Variants in MIS12 observed in about 807,000 individuals in gnomAD.
The protein encoded by MIS12 is protein MIS12 homolog.
Under a neutral mutation model 16.5 loss-of-function variants are expected in MIS12, and 13 were observed. The observed-to-expected ratio is 0.79, with a 90% CI of 0.51 to 1.25. The LOEUF is 1.25. Among genes scored for constraint, MIS12 ranks in the 50% most tolerant of loss-of-function variants. The probability of loss-of-function intolerance (pLI) is 0.00; values close to 1 mark genes in which losing one functional copy is unlikely to be tolerated. For missense variants in MIS12, 199 were observed against 239.5 expected (o/e 0.83, Z 1.12); for synonymous variants, 97 against 87.3 (o/e 1.11, Z -0.62).
upstream of MIS12, chr17:5,486,517 T>G: frequency 5.4e-6 from 1 of 184,150 alleles, no homozygotes; most frequent in Non-Finnish European, 1.1e-5. Context: ...AACCAGCCAA[T>G]CAGGAACGCG....
chr17:5,488,651 A>T, intron 2 of MIS12, 62 bp downstream of exon 2: 1 of 396,624 alleles, frequency 2.5e-6, no homozygotes. Context: ...AAGGAGCCTC[A>T]GAGAGGCAAA....
rs113237476 is a variant in MIS12 at position 5,486,944 on chromosome 17, G to C, written c.-435+260G>C. The C allele has an allele frequency of 1.5e-3, 224 of 152,410 alleles. 1 individual carries two copies. Among genetic ancestry groups the C allele is most frequent in the African/African-American group, 4.5e-3 (185 of 41,568 alleles). The allele number at this position is 152,410 out of a possible 1,614,324, so 9.4% of individuals were successfully genotyped here. Reference sequence around the variant, plus strand: ...CAGCTCAACTCGCCGAGATGACCTGGGCACCTCTGCGTTGAATCGGCAAAT... The same window carrying C: ...CAGCTCAACTCGCCGAGATGACCTGCGCACCTCTGCGTTGAATCGGCAAAT... On this transcript the variant is annotated intron_variant, in intron 1 of 2. Coordinates refer to ENST00000611091, the MANE Select transcript of MIS12 (RefSeq NM_001258217.2).
rs1044327996 is a variant in MIS12, at chr17:5,489,761, CAG to C, written c.*284_*285del. Reference sequence around the variant, plus strand: ...AGCCATGACCAGTTAAAGATATTTGCAGAGTTACACCTTGGTCATAAGTCCTT... The same window carrying C: ...AGCCATGACCAGTTAAAGATATTTGCAGTTACACCTTGGTCATAAGTCCTT... On this transcript the variant is annotated 3_prime_UTR_variant, in exon 3 of 3. Coordinates refer to ENST00000611091, the MANE Select transcript of MIS12 (RefSeq NM_001258217.2). 6.0e-5 allele frequency: 19 copies of C among 317,460 alleles called. No individual in the cohort carries two copies. The highest frequency in any genetic ancestry group is 3.6e-5 in the Non-Finnish European group (6 of 166,518). 19.7% of individuals were successfully genotyped at this position (317,460 alleles called of 1,614,324 possible). A position where few individuals can be genotyped will look rare whatever the true frequency, so the allele number is the denominator to read the frequency against.
In MIS12 at chr17:5,489,158, T is replaced by G; in HGVS notation, c.296T>G (p.Leu99Arg). 6.2e-7 allele frequency: 1 copy of G among 1,614,246 alleles called. No homozygotes were observed. Among genetic ancestry groups the G allele is most frequent in the Non-Finnish European group, 8.5e-7 (1 of 1,180,046 alleles). Residue 99 changes from leucine (L) to arginine (R), a missense_variant, in exon 3 of 3, where the codon CTT (leucine) becomes CGT (arginine). Physicochemically the swap from Leu to Arg is moderately radical, Grantham distance 102. Coordinates refer to ENST00000611091, the MANE Select transcript of MIS12 (RefSeq NM_001258217.2). ...LILRIPSNIL[L>R]PEDKCKETPY... ...TTACGTATTCCCTCAAACATCTTGC[T>G]TCCTGAAGATAAATGTAAGGAGACA... is the stretch of plus-strand genomic sequence containing the variant.
In MIS12 at chr17:5,490,523, T is replaced by G. The variant is rs1906713320; in HGVS notation, c.*1043T>G. 6.0e-6 allele frequency: 1 copy of G among 167,118 alleles called. No individual in the cohort carries two copies. Among genetic ancestry groups the G allele is most frequent in the African/African-American group, 2.4e-5 (1 of 41,474 alleles). The allele number at this position is 167,118 out of a possible 1,614,324, so 10.4% of individuals were successfully genotyped here. ...AATGCCCTCAGTGGGAAATTTGTGT[T>G]TAAACTCAATGGAATCTAATATTTC... is the stretch of plus-strand genomic sequence containing the variant. On this transcript the variant is annotated 3_prime_UTR_variant, in exon 3 of 3. Transcript: ENST00000611091.
chr17:5,487,877 G>T (rs1205370663), intron 1 of MIS12, among the ~76,000 whole-genome samples: 1 of 152,180 alleles, frequency 6.6e-6, no homozygotes. Context: ...CTTCCCATAA[G>T]ATTTGACTGT....
rs752037683 is a variant in MIS12 at position 5,488,955 on chromosome 17, C to T, written c.93C>T (p.Tyr31=). 4 of 1,614,048 alleles carry T rather than the reference C, an allele frequency of 2.5e-6. No individual in the cohort carries two copies. Among genetic ancestry groups the T allele is most frequent in the Admixed American group, 1.7e-5 (1 of 60,010 alleles). ...GGATCTACATTGCATTTCAAGACTA[C>T]CTATTTGAAGTGATGCAGGCCGTTG... ...MLRIYIAFQD[Y]LFEVMQAVEQ... is the part of the protein sequence containing the mutation. Residue 31 remains tyrosine (Y), a synonymous_variant, in exon 3 of 3, where the codon TAC becomes TAT. Coordinates refer to ENST00000611091, the MANE Select transcript of MIS12 (RefSeq NM_001258217.2).
Position 5,489,098 on chromosome 17 carries a change from T to C in MIS12, c.236T>C (p.Phe79Ser). Residue 79 changes from phenylalanine to serine, a missense_variant, in exon 3 of 3, where the codon TTT (phenylalanine) becomes TCT (serine). Phe to Ser is a radical substitution (Grantham distance 155). Coordinates refer to ENST00000611091, the MANE Select transcript of MIS12 (RefSeq NM_001258217.2). The part of the protein sequence containing the change: ...CFMKGHFDNL[F>S]SKMEQLFLQL... The stretch of plus-strand genomic sequence containing the variant: ...ATGAAAGGACATTTTGATAACCTTT[T>C]TAGCAAAATGGAGCAACTGTTTTTG... The C allele has an allele frequency of 6.2e-7, 1 of 1,614,234 alleles. No individual in the cohort carries two copies. Among genetic ancestry groups the C allele is most frequent in the East Asian group, 2.2e-5 (1 of 44,890 alleles).
At chr17:5,486,788 C>T (rs565256822) in intron 1 of MIS12, 104 bp downstream of exon 1, 4 of 152,560 alleles carry the variant, frequency 2.6e-5, no homozygotes, top group Admixed American at 6.5e-5. Context: ...GTCGGCCTCA[C>T]CCCGGCCTCC....
In MIS12 at chr17:5,490,427, AC is replaced by A. The variant is rs1327275091; in HGVS notation, c.*948del. ...GGTATCTATGCCAATTTGTTTTCAT[AC>A]TTCAGTTGGTTTTGGAATCTGCCTT... On this transcript the variant is annotated 3_prime_UTR_variant, in exon 3 of 3. Transcript: ENST00000611091. 1.8e-4 allele frequency: 30 copies of A among 167,008 alleles called. No homozygotes were observed. Among genetic ancestry groups the A allele is most frequent in the African/African-American group, 6.8e-4 (28 of 41,420 alleles). The allele number at this position is 167,008 out of a possible 1,614,324, so 10.3% of individuals were successfully genotyped here.
Position 5,489,475 on chromosome 17 carries a change from T to G in MIS12, c.613T>G (p.Ser205Ala). The G allele has an allele frequency of 6.3e-7, 1 of 1,582,592 alleles. No homozygotes were observed. The highest frequency in any genetic ancestry group is 1.2e-5 in the South Asian group (1 of 84,614). Residue 205 changes from serine (S) to alanine (A), a missense_variant, in exon 3 of 3, where the codon TCT (serine) becomes GCT (alanine). Transcript: ENST00000611091. ...VEKESKRLKI[S>A] ...AAAGGAATCGAAACGACTGAAAATA[T>G]CTTAATTGCTCAGTAGTCAAAAGGA...
chr17:5,488,812 T>C lies in MIS12; in HGVS notation c.-40-11T>C. 4.5e-6 allele frequency: 7 copies of C among 1,554,886 alleles called. No homozygotes were observed. Among genetic ancestry groups the C allele is most frequent in the Non-Finnish European group, 5.2e-6 (6 of 1,152,084 alleles). ...TTTTCCAAATGAATTATTTCCTTTT[T>C]ACATTTGCAGGTTTTTCACGACTGA... On this transcript the variant is annotated splice_polypyrimidine_tract_variant and intron_variant, in intron 2 of 2. Coordinates refer to ENST00000611091, the MANE Select transcript of MIS12 (RefSeq NM_001258217.2).
rs1906337448 is a variant in MIS12 at position 5,486,580 on chromosome 17, T to C, written c.-539T>C. ...CCGAGGCGCGTATCAGTCGGAATTT[T>C]GGGGAGCCAACCGCGCCGTCTGTCC... On this transcript the variant is annotated 5_prime_UTR_variant, in exon 1 of 3. Coordinates refer to ENST00000611091, the MANE Select transcript of MIS12 (RefSeq NM_001258217.2). 6.4e-6 allele frequency: 1 copy of C among 156,708 alleles called. No individual in the cohort carries two copies. The highest frequency in any genetic ancestry group is 1.4e-5 in the Non-Finnish European group (1 of 70,536). The allele number at this position is 156,708 out of a possible 1,614,324, so 9.7% of individuals were successfully genotyped here.
Position 5,488,997 on chromosome 17 carries a change from G to A in MIS12, c.135G>A (p.Lys45=). Residue 45 remains lysine (K), a synonymous_variant, in exon 3 of 3, where the codon AAG becomes AAA. Transcript: ENST00000611091. The part of the protein sequence containing the change: ...VMQAVEQVIL[K]KLDGIPDCDI... ...AGGCCGTTGAACAGGTTATTCTGAA[G>A]AAGCTGGATGGCATCCCAGACTGTG... 6.2e-7 allele frequency: 1 copy of A among 1,614,260 alleles called. No individual in the cohort carries two copies. The highest frequency in any genetic ancestry group is 8.5e-7 in the Non-Finnish European group (1 of 1,180,038).
chr17:5,488,016 A>G (rs1467702018), intron 1 of MIS12, among the ~76,000 whole-genome samples, 180 bp from the exon 2 acceptor site: 1 of 152,218 alleles, frequency 6.6e-6, no homozygotes, highest in Non-Finnish European at 1.5e-5. Flanking sequence ...ATGACAAGCA[A>G]TATCATTTCA....
At position 5,489,537 on chromosome 17, in the gene MIS12, A is replaced by G; in HGVS notation, c.*57A>G. ...AAAAGTAGAATCATAAGGACTGTTC[A>G]AACCATAAGGACTGTTCAAATCATA... On this transcript the variant is annotated 3_prime_UTR_variant, in exon 3 of 3. Coordinates refer to ENST00000611091, the MANE Select transcript of MIS12 (RefSeq NM_001258217.2). The G allele has an allele frequency of 2.0e-6, 3 of 1,515,622 alleles. No homozygotes were observed. Among genetic ancestry groups the G allele is most frequent in the Middle Eastern group, 1.9e-4 (1 of 5,258 alleles). 93.9% of individuals were successfully genotyped at this position (1,515,622 alleles called of 1,614,324 possible). A position where few individuals can be genotyped will look rare whatever the true frequency, so the allele number is the denominator to read the frequency against.
rs752703568 is a variant in MIS12, at chr17:5,489,256, T to C, written c.394T>C (p.Leu132=). Residue 132 remains leucine (L), a synonymous_variant, in exon 3 of 3, where the codon TTA becomes CTA. Transcript: ENST00000611091. Reference sequence around the variant, plus strand: ...GTTACAGGAGAAGTACAAGACTGAATTATGTACTAAGCAGGCCCTTCTTGC... The same window carrying C: ...GTTACAGGAGAAGTACAAGACTGAACTATGTACTAAGCAGGCCCTTCTTGC... The part of the protein sequence containing the change: ...EQLQEKYKTE[L]CTKQALLAEL... 4.6e-5 allele frequency: 74 copies of C among 1,614,126 alleles called. 1 individual carries two copies. Among genetic ancestry groups the C allele is most frequent in the Non-Finnish European group, 6.1e-5 (72 of 1,180,032 alleles).
chr17:5,490,140 G>A lies in MIS12; in HGVS notation c.*660G>A, dbSNP rs1161100041. 1.8e-5 allele frequency: 3 copies of A among 166,954 alleles called. No homozygotes were observed. The highest frequency in any genetic ancestry group is 6.5e-5 in the Admixed American group (1 of 15,272). The allele number at this position is 166,954 out of a possible 1,614,324, so 10.3% of individuals were successfully genotyped here. ...CAGCCAACATAGAGTACTTGCTCTC[G>A]TCCTGTGAATTTTCTTTCATGAGGG... On this transcript the variant is annotated 3_prime_UTR_variant, in exon 3 of 3. Coordinates refer to ENST00000611091, the MANE Select transcript of MIS12 (RefSeq NM_001258217.2).
chr17:5,489,208 C>T lies in MIS12; in HGVS notation c.346C>T (p.His116Tyr). The change falls in exon 3 of 3, where the codon CAT (histidine) becomes TAT (tyrosine). Residue 116 changes from histidine to tyrosine, a missense_variant. Coordinates refer to ENST00000611091, the MANE Select transcript of MIS12 (RefSeq NM_001258217.2). ...ACCTTATAGTGAGGAAGATTTTCAG[C>T]ATCTCCAGAAAGAAATTGAACAGTT... is the stretch of plus-strand genomic sequence containing the variant. Reference protein sequence around the residue: ...ETPYSEEDFQHLQKEIEQLQE... With the variant: ...ETPYSEEDFQYLQKEIEQLQE... 1 of 1,614,190 alleles carries T rather than the reference C, an allele frequency of 6.2e-7. No individual in the cohort carries two copies. Among genetic ancestry groups the T allele is most frequent in the South Asian group, 1.1e-5 (1 of 91,086 alleles).
Sources: gnomAD v4.1 joint callset for allele counts (sites outside exome capture counted in the v4.1 genomes callset) on GRCh38, gnomAD v4.1.1 for gene constraint, MANE v1.5 for transcripts, NCBI Gene and HGNC (gene_info 2026-07-23, HGNC 2026-07-21) for gene names.